CDYL: variants seen among roughly 807,000 people sequenced by gnomAD.
CDYL encodes the protein chromodomain Y like.
In CDYL, 8 loss-of-function variants were observed where a neutral mutation model predicts 47.3. The ratio of observed to expected loss-of-function variants is 0.17; its 90% CI spans 0.10 to 0.31. CDYL has a LOEUF of 0.31. CDYL is among the 10% of genes least tolerant of loss of function. CDYL has a pLI of 1.00. For synonymous variants in CDYL, 266 were observed against 265.0 expected (o/e 1.00, Z -0.04); for missense variants, 471 against 701.4 (o/e 0.67, Z 3.71).
At chr6:4,734,561 C>T (rs562300874) in intron 2 of CDYL, among the ~76,000 whole-genome samples, 4 of 152,294 alleles carry the variant, frequency 2.6e-5, no homozygotes, top group East Asian at 1.9e-4. Context: ...CCCGCTGGGA[C>T]GGGCTGCTGC....
At chr6:4,759,669 G>T (rs1031076883) in intron 3 of CDYL, among the ~76,000 whole-genome samples, 39 of 151,324 alleles carry the variant, frequency 2.6e-4, no homozygotes, top group Non-Finnish European at 2.9e-5. Flanking sequence ...ATCACCTGAG[G>T]TCAGGAGTTC....
At chr6:4,847,487 G>C (rs1760696718) in intron 1 of CDYL, among the ~76,000 whole-genome samples, 1 of 152,192 alleles carries the variant, frequency 6.6e-6, no homozygotes. Context: ...CTAGGTCTCA[G>C]ATCATCTGTA....
chr6:4,801,891 C>T (rs183208877), intron 1 of CDYL, among the ~76,000 whole-genome samples: 1 of 152,232 alleles, frequency 6.6e-6, no homozygotes, highest in East Asian at 1.9e-4. Context: ...GCTTTTTCAC[C>T]GTGCTGCTTG....
intron 1 of CDYL, among the ~76,000 whole-genome samples, chr6:4,786,133 A>G (rs562495526): frequency 6.6e-6 from 1 of 152,348 alleles, no homozygotes; most frequent in Admixed American, 6.5e-5. Flanking sequence ...AGGAGTCAGC[A>G]GGAATTCTCC....
At chr6:4,757,062 A>G (rs552652952) in intron 3 of CDYL, among the ~76,000 whole-genome samples, 1 of 152,304 alleles carries the variant, frequency 6.6e-6, no homozygotes, top group South Asian at 2.1e-4. Context: ...CATTGTACCT[A>G]TAACTGATTG....
At chr6:4,892,462 G>C (rs1762078315) in intron 2 of CDYL, 83 bp downstream of exon 2, 2 of 1,420,170 alleles carry the variant, frequency 1.4e-6, no homozygotes, top group Non-Finnish European at 1.9e-6. Context: ...CTTGAGCTGG[G>C]CAGAGTCCGG....
At chr6:4,740,501 C>T (rs9504226) in intron 3 of CDYL, among the ~76,000 whole-genome samples, 3 of 152,108 alleles carry the variant, frequency 2.0e-5, no homozygotes, top group Admixed American at 1.3e-4. Flanking sequence ...TCAATAGTGC[C>T]GAGGTTGAGA....
At chr6:4,919,619 C>T (rs1757655217) in intron 2 of CDYL, among the ~76,000 whole-genome samples, 1 of 152,178 alleles carries the variant, frequency 6.6e-6, no homozygotes, top group East Asian at 1.9e-4. Flanking sequence ...GTTAGAGTTA[C>T]TAACCTCTCT....
intron 3 of CDYL, among the ~76,000 whole-genome samples, chr6:4,752,869 T>G (rs562820044): frequency 6.7e-6 from 1 of 149,286 alleles, no homozygotes; most frequent in Non-Finnish European, 1.5e-5. Context: ...TGTAGATAGG[T>G]AGGTAGGTAG....
intron 2 of CDYL, among the ~76,000 whole-genome samples, chr6:4,906,728 A>G (rs1757248463): frequency 1.3e-5 from 2 of 152,240 alleles, no homozygotes; most frequent in African/African-American, 4.8e-5. Flanking sequence ...TCACAGCTTT[A>G]TAACAGCAAA....
Position 4,954,269 on chromosome 6 carries a change from C to T in CDYL, c.*213C>T, listed in dbSNP as rs1382650352. ...TAACTACAAAGCTTCTTTGTCCAAACGTCATTATTTTATACTTATATACAC... is the reference window on the plus strand; with the variant it reads ...TAACTACAAAGCTTCTTTGTCCAAATGTCATTATTTTATACTTATATACAC... On this transcript the variant is annotated 3_prime_UTR_variant, in exon 7 of 7. Coordinates refer to ENST00000397588, the MANE Select transcript of CDYL (RefSeq NM_004824.4). 5 of 460,154 alleles carry T rather than the reference C, an allele frequency of 1.1e-5. No individual in the cohort carries two copies. Among genetic ancestry groups the T allele is most frequent in the Middle Eastern group, 5.5e-4 (1 of 1,802 alleles). The allele number at this position is 460,154 out of a possible 1,614,324, so 28.5% of individuals were successfully genotyped here.
intron 1 of CDYL, among the ~76,000 whole-genome samples, chr6:4,860,266 T>C (rs1761126264): frequency 6.6e-6 from 1 of 151,990 alleles, no homozygotes; most frequent in Non-Finnish European, 1.5e-5. Flanking sequence ...AACTGTGACT[T>C]TAGTGTTAAC....
At chr6:4,800,171 T>C (rs1332735222) in intron 1 of CDYL, among the ~76,000 whole-genome samples, 2 of 152,182 alleles carry the variant, frequency 1.3e-5, no homozygotes, top group East Asian at 3.8e-4. Flanking sequence ...AATATGGTTA[T>C]ATTAGGTCTA....
At chr6:4,819,127 T>TCTCTCTCA (rs1449748637) in intron 1 of CDYL, among the ~76,000 whole-genome samples, 1 of 125,462 alleles carries the variant, frequency 8.0e-6, no homozygotes, top group East Asian at 2.0e-4. Flanking sequence ...TCTCTCTCTC[T>TCTCTCTCA]CTCTCTCTCT....
chr6:4,906,116 A>G (rs1307606893), intron 2 of CDYL, among the ~76,000 whole-genome samples: 1 of 152,218 alleles, frequency 6.6e-6, no homozygotes. Flanking sequence ...TGTACATTTT[A>G]TCTGGTAAGA....
At chr6:4,877,805 C>T (rs573404964) in intron 1 of CDYL, among the ~76,000 whole-genome samples, 3 of 152,162 alleles carry the variant, frequency 2.0e-5, no homozygotes, top group Non-Finnish European at 4.4e-5. Flanking sequence ...TTTGGATTGC[C>T]TTTCAAGTTT....
At position 4,893,271 on chromosome 6, in the gene CDYL, C is replaced by T. The variant is rs984561471; in HGVS notation, c.691+892C>T. Among the ~76,000 whole-genome samples, 7 of 152,360 alleles carry T rather than the reference C, an allele frequency of 4.6e-5. No homozygotes were observed. In the South Asian group the frequency reaches 1.4e-3, roughly 32 times the overall value. ...TGCCCTGTGTGTCTGCGACCTGGCG[C>T]TCCGCTGCCCTCTGGCTCGCTCTCT... On this transcript the variant is annotated intron_variant, in intron 2 of 6. Transcript: ENST00000397588.
At chr6:4,795,164 A>G (rs191671127) in intron 1 of CDYL, among the ~76,000 whole-genome samples, 6 of 152,038 alleles carry the variant, frequency 3.9e-5, no homozygotes, top group African/African-American at 1.2e-4. Context: ...AAAAAAAAAA[A>G]TCTGGTTAAA....
Position 4,892,379 on chromosome 6 carries a change from G to A in CDYL, c.691G>A (p.Gly231Ser). Reference sequence around the variant, plus strand: ...CACAGGCTTAGCTGTTAACGGGAAAGGTGAGTGTCTAGGGAGCTGCTCAGG... The same window carrying A: ...CACAGGCTTAGCTGTTAACGGGAAAAGTGAGTGTCTAGGGAGCTGCTCAGG... ...MATGLAVNGK[G>S]TSPFMDALTA... is the part of the protein sequence containing the mutation. The change falls in exon 2 of 7, where the codon GGT becomes AGT. Residue 231 changes from glycine to serine, a missense_variant and splice_region_variant. Gly to Ser is a moderately conservative substitution (Grantham distance 56). This residue lies in a region of CDYL where 311 missense variants were observed against 350.0 expected (regional missense o/e 0.89). Coordinates refer to ENST00000397588, the MANE Select transcript of CDYL (RefSeq NM_004824.4). 2 of 1,602,748 alleles carry A rather than the reference G, an allele frequency of 1.2e-6. No individual in the cohort carries two copies. Among genetic ancestry groups the A allele is most frequent in the Non-Finnish European group, 1.7e-6 (2 of 1,173,674 alleles).
Sources: allele counts gnomAD v4.1 joint callset (sites outside exome capture counted in the v4.1 genomes callset), GRCh38; gene constraint gnomAD v4.1.1; regional missense constraint gnomAD v4.1.1; transcripts MANE v1.5; gene names NCBI Gene and HGNC (gene_info 2026-07-23, HGNC 2026-07-21).